The following TMEM184B variants were observed in gnomAD, a reference collection of about 807,000 sequenced individuals.
TMEM184B encodes transmembrane protein 184B.
A neutral mutation model predicts 41.8 loss-of-function variants in TMEM184B; 17 were observed. That is an observed-to-expected ratio of 0.41 (90% CI 0.28 to 0.61). TMEM184B has a LOEUF of 0.61. Among genes scored for constraint, TMEM184B ranks in the 20% least tolerant of loss-of-function variants. TMEM184B has a pLI of 0.34. For synonymous variants in TMEM184B, 240 were observed against 229.5 expected (o/e 1.05, Z -0.41); for missense variants, 393 against 557.8 (o/e 0.70, Z 2.98).
chr22:38,233,602 A>C (rs1224354806), intron 3 of TMEM184B, among the ~76,000 whole-genome samples: 4 of 152,196 alleles, frequency 2.6e-5, no homozygotes, highest in Admixed American at 6.5e-5. Context: ...CTTCACCAGC[A>C]AGAACTATGG....
chr22:38,231,753 C>G (rs1209906942), intron 3 of TMEM184B: 2 of 357,376 alleles, frequency 5.6e-6, no homozygotes, highest in Non-Finnish European at 1.1e-5. Context: ...GTGGTCCCAG[C>G]TACTGCTGCG....
intron 2 of TMEM184B, chr22:38,246,694 G>T: frequency 1.2e-6 from 1 of 808,438 alleles, no homozygotes; most frequent in Non-Finnish European, 1.7e-6. Flanking sequence ...CACCACTGCT[G>T]CTCTGTTTAG....
chr22:38,253,222 G>A (rs1049333850), intron 1 of TMEM184B, among the ~76,000 whole-genome samples: 2 of 152,244 alleles, frequency 1.3e-5, no homozygotes, highest in African/African-American at 4.8e-5. Flanking sequence ...TCGGGGAGGT[G>A]AGGCTACACA....
intron 8 of TMEM184B, chr22:38,222,504 G>T: frequency 1.3e-6 from 1 of 766,946 alleles, no homozygotes; most frequent in Non-Finnish European, 1.6e-6. Context: ...CTTGACAGGT[G>T]CTCTGGGCGC....
chr22:38,258,721 C>A (rs2092323932), intron 1 of TMEM184B, among the ~76,000 whole-genome samples: 1 of 152,096 alleles, frequency 6.6e-6, no homozygotes, highest in African/African-American at 2.4e-5. Flanking sequence ...TGTTAGTCAC[C>A]CTAAGGAAGA....
intron 5 of TMEM184B, among the ~76,000 whole-genome samples, chr22:38,227,872 A>G (rs530036939): frequency 6.6e-6 from 1 of 152,236 alleles, no homozygotes; most frequent in South Asian, 2.1e-4. Flanking sequence ...CCGATTCCCT[A>G]CGGGCGGACC....
chr22:38,218,377 T>C (rs1299738272), downstream of TMEM184B, among the ~76,000 whole-genome samples: 1 of 152,162 alleles, frequency 6.6e-6, no homozygotes, highest in Non-Finnish European at 1.5e-5. Context: ...TCTTACAGTC[T>C]CAGTTTACCA....
Position 38,245,921 on chromosome 22 carries a change from G to T in TMEM184B, c.358+14C>A. The T allele has an allele frequency of 1.8e-6, 1 of 550,020 alleles. No homozygotes were observed. The highest frequency in any genetic ancestry group is 6.0e-4 in the Middle Eastern group (1 of 1,680). The allele number at this position is 550,020 out of a possible 1,614,324, so 34.1% of individuals were successfully genotyped here. On this transcript the variant is annotated intron_variant, in intron 3 of 8. Transcript: ENST00000361906. Reference sequence around the variant, plus strand: ...GCCCCCCGCCAGCCCTCCCCACTCCGTCCCCATCCTCACCCTCATAGCAGT... The same window carrying T: ...GCCCCCCGCCAGCCCTCCCCACTCCTTCCCCATCCTCACCCTCATAGCAGT...
chr22:38,217,299 ACGG>A (rs1251311932), downstream of TMEM184B, among the ~76,000 whole-genome samples: 2,773 of 144,464 alleles, frequency 0.019, 73 homozygotes, highest in Middle Eastern at 0.062. Flanking sequence ...CCTGGCTAAC[ACGG>A]TGAAACCCCG....
chr22:38,226,769 C>T lies in TMEM184B; in HGVS notation c.617+10G>A, dbSNP rs573429469. On this transcript the variant is annotated intron_variant, in intron 6 of 8. Coordinates refer to ENST00000361906, the MANE Select transcript of TMEM184B (RefSeq NM_012264.5). This position sits in a 1 kb window ranked among gnomAD's most constrained non-coding sequence, Gnocchi z 4.6. Reference sequence around the variant, plus strand: ...CCTCCCACACACCCCGGGGAGCACCCGCTGCTTACTCAAAGTCCCCATCCC... The same window carrying T: ...CCTCCCACACACCCCGGGGAGCACCTGCTGCTTACTCAAAGTCCCCATCCC... The T allele has an allele frequency of 7.6e-6, 12 of 1,588,974 alleles. No individual in the cohort carries two copies. Among genetic ancestry groups the T allele is most frequent in the Admixed American group, 1.8e-5 (1 of 55,980 alleles).
At chr22:38,252,554 G>A (rs1248474655) in intron 1 of TMEM184B, among the ~76,000 whole-genome samples, 4 of 152,150 alleles carry the variant, frequency 2.6e-5, no homozygotes, top group Non-Finnish European at 4.4e-5. Context: ...GCCACAGGCA[G>A]GAGTGACCTG....
intron 1 of TMEM184B, among the ~76,000 whole-genome samples, chr22:38,263,836 G>A (rs2017369): frequency 0.33 from 49,815 of 151,940 alleles, 8,831 homozygotes; most frequent in Middle Eastern, 0.49. Flanking sequence ...ATGCAGTCTC[G>A]CTCTGTCTCC....
In TMEM184B at chr22:38,221,625, G is replaced by A. The variant is rs1443796985; in HGVS notation, c.1068C>T (p.Asn356=). 6.2e-7 allele frequency: 1 copy of A among 1,614,160 alleles called. No individual in the cohort carries two copies. The highest frequency in any genetic ancestry group is 2.2e-5 in the East Asian group (1 of 44,866). Residue 356 remains asparagine, a synonymous_variant, in exon 9 of 9, where the codon AAC becomes AAT. Transcript: ENST00000361906. ...PHDIVQDAIH[N]FSPAYQQYTQ... ...TGTACTGCTGGTAGGCAGGTGAGAA[G>A]TTGTGGATGGCGTCCTGCACGATGT...
intron 2 of TMEM184B, chr22:38,246,686 C>T: frequency 1.5e-6 from 1 of 685,226 alleles, no homozygotes; most frequent in Non-Finnish European, 2.0e-6. Context: ...AGAGGCAGCA[C>T]CACTGCTGCT....
intron 1 of TMEM184B, among the ~76,000 whole-genome samples, chr22:38,270,497 A>C (rs1310603227): frequency 6.6e-6 from 1 of 152,186 alleles, no homozygotes; most frequent in East Asian, 1.9e-4. Flanking sequence ...TGTTTCCACC[A>C]CAAGTAGGGC....
At chr22:38,228,071 C>A (rs1453763249) in intron 5 of TMEM184B, among the ~76,000 whole-genome samples, 1 of 152,176 alleles carries the variant, frequency 6.6e-6, no homozygotes, top group African/African-American at 2.4e-5. Context: ...TCTGCCCCAA[C>A]TGGGGATCTG....
intron 1 of TMEM184B, among the ~76,000 whole-genome samples, chr22:38,253,880 G>C (rs2092222888): frequency 6.6e-6 from 1 of 152,178 alleles, no homozygotes; most frequent in Admixed American, 6.5e-5. Context: ...TAAATGACTA[G>C]CATTGGGAAT....
intron 3 of TMEM184B, among the ~76,000 whole-genome samples, chr22:38,238,227 CTTT>C (rs1029386970): frequency 2.9e-5 from 4 of 137,498 alleles, no homozygotes; most frequent in Non-Finnish European, 1.6e-5. Context: ...CTATCAACTT[CTTT>C]TTTTTTTTTT....
intron 1 of TMEM184B, among the ~76,000 whole-genome samples, chr22:38,262,110 C>A (rs985202596): frequency 9.2e-5 from 14 of 152,348 alleles, no homozygotes; most frequent in African/African-American, 3.1e-4. Context: ...CTACAGGCAA[C>A]CTGGATGATC....
Sources: gnomAD v4.1 joint callset for allele counts (sites outside exome capture counted in the v4.1 genomes callset) on GRCh38, gnomAD v4.1.1 for gene constraint, Gnocchi (gnomAD v3.1) non-coding constraint, MANE v1.5 for transcripts, NCBI Gene and HGNC (gene_info 2026-07-23, HGNC 2026-07-21) for gene names.